LSAMP: variants seen among roughly 807,000 people sequenced by gnomAD.
LSAMP encodes the protein limbic system-associated membrane protein.
LSAMP carries 7 observed loss-of-function variants against 38.6 expected under a neutral mutation model. The ratio of observed to expected loss-of-function variants is 0.18; its 90% CI spans 0.10 to 0.34. LSAMP has a LOEUF of 0.34. Among genes scored for constraint, LSAMP ranks in the 10% least tolerant of loss-of-function variants. The pLI is 1.00. For synonymous variants in LSAMP, 154 were observed against 166.8 expected (o/e 0.92, Z 0.59); for missense variants, 313 against 420.0 (o/e 0.75, Z 2.23).
At chr3:115,977,780 T>C (rs943751242) in intron 3 of LSAMP, among the ~76,000 whole-genome samples, 1 of 152,110 alleles carries the variant, frequency 6.6e-6, no homozygotes, top group African/African-American at 2.4e-5. Flanking sequence ...CTCTTTTTCT[T>C]TCTTTCAGAT....
At chr3:116,083,174 C>T (rs995293374) in intron 2 of LSAMP, among the ~76,000 whole-genome samples, 1 of 152,086 alleles carries the variant, frequency 6.6e-6, no homozygotes, top group Admixed American at 6.5e-5. Context: ...CGAGTGAAAG[C>T]GTCTGTTAGA....
intron 1 of LSAMP, among the ~76,000 whole-genome samples, chr3:116,299,663 C>T (rs1315026700): frequency 2.0e-5 from 3 of 152,200 alleles, no homozygotes; most frequent in South Asian, 2.1e-4. Flanking sequence ...CATTAGACCA[C>T]ATCAGCACTG....
chr3:116,183,401 G>A (rs1020897165), intron 1 of LSAMP, among the ~76,000 whole-genome samples: 2 of 151,822 alleles, frequency 1.3e-5, no homozygotes, highest in African/African-American at 4.8e-5. Flanking sequence ...TTTAACTTGT[G>A]GGAATAGAGG....
intron 3 of LSAMP, among the ~76,000 whole-genome samples, chr3:115,880,428 G>A (rs1042812398): frequency 2.0e-5 from 3 of 151,956 alleles, no homozygotes; most frequent in African/African-American, 7.2e-5. Flanking sequence ...TTTGTCAGGC[G>A]AGTTAGTTTC....
At chr3:116,430,545 A>G (rs1044889675) in intron 1 of LSAMP, among the ~76,000 whole-genome samples, 2 of 152,160 alleles carry the variant, frequency 1.3e-5, no homozygotes, top group African/African-American at 4.8e-5. Context: ...TTAACAGGAA[A>G]GCCATTCCAT....
At chr3:115,890,303 A>T (rs1398922860) in intron 3 of LSAMP, among the ~76,000 whole-genome samples, 5 of 151,914 alleles carry the variant, frequency 3.3e-5, no homozygotes, top group Non-Finnish European at 7.4e-5. Flanking sequence ...AATTACAGTG[A>T]CCTAACAGAT....
At chr3:115,988,330 C>T (rs1256002032) in intron 3 of LSAMP, among the ~76,000 whole-genome samples, 1 of 152,106 alleles carries the variant, frequency 6.6e-6, no homozygotes, top group Non-Finnish European at 1.5e-5. Context: ...CACACAGAAG[C>T]AAGCATGCCT....
At chr3:116,033,257 A>C (rs1351021440) in intron 2 of LSAMP, among the ~76,000 whole-genome samples, 2 of 152,082 alleles carry the variant, frequency 1.3e-5, no homozygotes, top group Non-Finnish European at 2.9e-5. Flanking sequence ...GAAGGGGGGC[A>C]TGGCGATGAT....
chr3:116,431,511 T>C (rs1396353371), intron 1 of LSAMP, among the ~76,000 whole-genome samples: 1 of 152,074 alleles, frequency 6.6e-6, no homozygotes, highest in Non-Finnish European at 1.5e-5. Context: ...ATTAGGACAA[T>C]ATTTTACATC....
intron 1 of LSAMP, among the ~76,000 whole-genome samples, chr3:116,363,951 C>G (rs1321442639): frequency 2.2e-4 from 5 of 22,620 alleles, no homozygotes; most frequent in African/African-American, 1.4e-3. Context: ...AAAACCGGCA[C>G]AAGACAGGGA....
intron 1 of LSAMP, among the ~76,000 whole-genome samples, chr3:116,139,508 T>A (rs1709325316): frequency 6.6e-6 from 1 of 151,970 alleles, no homozygotes; most frequent in African/African-American, 2.4e-5. Context: ...TTTAACCGTA[T>A]CTCTTCATCC....
chr3:115,879,680 C>A (rs1362818413), intron 3 of LSAMP, among the ~76,000 whole-genome samples: 4 of 151,966 alleles, frequency 2.6e-5, no homozygotes, highest in Admixed American at 2.0e-4. Flanking sequence ...TAGTAGTTAC[C>A]CCTGAACAAT....
intron 1 of LSAMP, among the ~76,000 whole-genome samples, chr3:116,387,065 A>G (rs937290632): frequency 1.2e-4 from 18 of 152,208 alleles, no homozygotes; most frequent in Non-Finnish European, 5.9e-5. Flanking sequence ...TTGGGATCAC[A>G]TGAGGGAGAA....
chr3:116,005,973 TAAAG>T (rs1940148003), intron 3 of LSAMP, among the ~76,000 whole-genome samples: 2 of 152,060 alleles, frequency 1.3e-5, no homozygotes, highest in Admixed American at 6.6e-5. Context: ...ATAGCAGTCA[TAAAG>T]AAACATGATA....
chr3:116,303,937 T>C (rs749844740), intron 1 of LSAMP, among the ~76,000 whole-genome samples: 15 of 152,134 alleles, frequency 9.9e-5, no homozygotes, highest in Non-Finnish European at 1.9e-4. Flanking sequence ...ACGTGGCTGG[T>C]GTAATGCCTA....
At chr3:115,881,056 A>ATAAATAAG (rs1282992497) in intron 3 of LSAMP, among the ~76,000 whole-genome samples, 3 of 151,668 alleles carry the variant, frequency 2.0e-5, no homozygotes, top group African/African-American at 7.3e-5. Context: ...AAATAAATAA[A>ATAAATAAG]TAAATAAATA....
At chr3:116,257,859 A>T (rs2046771241) in intron 1 of LSAMP, among the ~76,000 whole-genome samples, 1 of 152,050 alleles carries the variant, frequency 6.6e-6, no homozygotes, top group African/African-American at 2.4e-5. Context: ...TCCTTGTTGC[A>T]CTTCCGTTAT....
At chr3:116,064,497 C>A (rs977995552) in intron 2 of LSAMP, among the ~76,000 whole-genome samples, 1 of 131,536 alleles carries the variant, frequency 7.6e-6, no homozygotes, top group African/African-American at 3.0e-5. Context: ...AGCGAGACTC[C>A]GTCTCAAAAA....
chr3:116,248,415 T>A (rs1366948567), intron 1 of LSAMP, among the ~76,000 whole-genome samples: 2 of 151,640 alleles, frequency 1.3e-5, no homozygotes, highest in Non-Finnish European at 2.9e-5. Context: ...GATGGGAGGA[T>A]CACTTGAGCC....
Sources: allele counts gnomAD v4.1 joint callset (sites outside exome capture counted in the v4.1 genomes callset), GRCh38; gene constraint gnomAD v4.1.1; transcripts MANE v1.5; gene names NCBI Gene and HGNC (gene_info 2026-07-23, HGNC 2026-07-21).